CEP170: variants seen among roughly 807,000 people sequenced by gnomAD.
CEP170 encodes centrosomal protein of 170 kDa.
In CEP170, 21 loss-of-function variants were observed where a neutral mutation model predicts 151.9. The ratio of observed to expected loss-of-function variants is 0.14; its 90% CI spans 0.10 to 0.20. The LOEUF is 0.20. Among genes scored for constraint, CEP170 ranks in the 10% least tolerant of loss-of-function variants. The pLI, the probability that CEP170 is intolerant of heterozygous loss-of-function variation, is 1.00. For synonymous variants in CEP170, 356 were observed against 648.8 expected (o/e 0.55, Z 6.86); for missense variants, 964 against 1,892.9 (o/e 0.51, Z 9.11).
intron 1 of CEP170, among the ~76,000 whole-genome samples, chr1:243,254,161 T>C (rs2066263096): frequency 6.6e-6 from 1 of 151,368 alleles, no homozygotes. Context: ...CCAGCAGGCA[T>C]AGTCCCTGTC....
intron 1 of CEP170, among the ~76,000 whole-genome samples, chr1:243,239,419 G>C (rs10926976): frequency 9.2e-5 from 14 of 151,792 alleles, no homozygotes; most frequent in African/African-American, 3.4e-4. Context: ...CTTGTCTCTA[G>C]CCTCCCACTC....
chr1:243,141,261 AAG>A (rs1376009815), intron 15 of CEP170, among the ~76,000 whole-genome samples: 3 of 152,016 alleles, frequency 2.0e-5, no homozygotes, highest in Non-Finnish European at 4.4e-5. Flanking sequence ...TTTATTTATA[AAG>A]AGACAGATAA....
intron 13 of CEP170, among the ~76,000 whole-genome samples, chr1:243,160,284 G>T (rs2057959826): frequency 6.6e-6 from 1 of 152,184 alleles, no homozygotes; most frequent in Non-Finnish European, 1.5e-5. Context: ...GCATTGGAAG[G>T]TGTCTGAAAT....
chr1:243,166,445 G>A (rs1488566153), intron 12 of CEP170: 1 of 223,642 alleles, frequency 4.5e-6, no homozygotes, highest in African/African-American at 2.3e-5. Flanking sequence ...GTTCAGTGGG[G>A]ACGCAATCAT....
chr1:243,220,530 T>G (rs2062702821), intron 3 of CEP170, among the ~76,000 whole-genome samples: 1 of 152,340 alleles, frequency 6.6e-6, no homozygotes, highest in Middle Eastern at 3.4e-3. Context: ...AGTCCTTCAG[T>G]AGCAGGCCAA....
At chr1:243,202,099 C>T (rs2061079891) in intron 4 of CEP170, among the ~76,000 whole-genome samples, 1 of 151,972 alleles carries the variant, frequency 6.6e-6, no homozygotes, top group Non-Finnish European at 1.5e-5. Context: ...ATATATACAC[C>T]ATGGAATACT....
rs1375858636 is a variant in CEP170 at position 243,126,354 on chromosome 1, A to G, written c.*95T>C. On this transcript the variant is annotated 3_prime_UTR_variant, in exon 20 of 20. Transcript: ENST00000366542. ...GACAGGGATTCCAAGATTGTAGCTG[A>G]CCAAGCTGTCTTGTTTTGCGTACAT... The G allele has an allele frequency of 1.6e-5, 20 of 1,254,374 alleles. No homozygotes were observed. Among genetic ancestry groups the G allele is most frequent in the Non-Finnish European group, 1.9e-5 (17 of 894,348 alleles). 77.7% of individuals were successfully genotyped at this position (1,254,374 alleles called of 1,614,324 possible).
intron 13 of CEP170, among the ~76,000 whole-genome samples, chr1:243,163,732 T>C (rs2058243014): frequency 1.3e-5 from 2 of 152,142 alleles, no homozygotes; most frequent in East Asian, 1.9e-4. Context: ...TAAACAGATT[T>C]AACTTTAAAA....
At chr1:243,187,485 G>T (rs1006340266) in intron 8 of CEP170, among the ~76,000 whole-genome samples, 11 of 152,182 alleles carry the variant, frequency 7.2e-5, no homozygotes, top group African/African-American at 2.7e-4. Flanking sequence ...GCTTAAATTA[G>T]TTTTAAACTT....
intron 8 of CEP170, among the ~76,000 whole-genome samples, chr1:243,190,138 A>G (rs1156553951): frequency 6.6e-6 from 1 of 152,234 alleles, no homozygotes; most frequent in Admixed American, 6.5e-5. Context: ...TACCTATCAC[A>G]TGCTCAAGTA....
intron 10 of CEP170, among the ~76,000 whole-genome samples, chr1:243,174,683 T>C (rs183174430): frequency 1.3e-5 from 2 of 152,368 alleles, no homozygotes; most frequent in Admixed American, 1.3e-4. Context: ...GAGCAAATTA[T>C]GTATTGTTTA....
chr1:243,246,205 T>C (rs2065375939), intron 1 of CEP170, among the ~76,000 whole-genome samples: 1 of 151,440 alleles, frequency 6.6e-6, no homozygotes, highest in Non-Finnish European at 1.5e-5. Context: ...GAGTTAGAAA[T>C]GTCCATTACA....
At chr1:243,242,021 A>G (rs1168914500) in intron 1 of CEP170, among the ~76,000 whole-genome samples, 1 of 152,074 alleles carries the variant, frequency 6.6e-6, no homozygotes, top group Non-Finnish European at 1.5e-5. Context: ...AACAAGAGAG[A>G]AAGGAAAGTC....
At chr1:243,159,283 G>T (rs1199536740) in intron 13 of CEP170, among the ~76,000 whole-genome samples, 1 of 152,004 alleles carries the variant, frequency 6.6e-6, no homozygotes, top group East Asian at 1.9e-4. Flanking sequence ...ATGAAGAAAA[G>T]CTCCAGTTAA....
At chr1:243,244,986 A>G (rs1288126117) in intron 1 of CEP170, among the ~76,000 whole-genome samples, 1 of 152,220 alleles carries the variant, frequency 6.6e-6, no homozygotes, top group African/African-American at 2.4e-5. Flanking sequence ...TTTGTTGGGT[A>G]AAAATAACAA....
intron 4 of CEP170, among the ~76,000 whole-genome samples, chr1:243,202,807 A>T (rs1001159324): frequency 6.6e-6 from 1 of 152,096 alleles, no homozygotes; most frequent in South Asian, 2.1e-4. Flanking sequence ...TTCTATGAAA[A>T]AAGGCATTAA....
chr1:243,129,995 T>C (rs1332024043), intron 17 of CEP170, among the ~76,000 whole-genome samples: 2 of 152,160 alleles, frequency 1.3e-5, no homozygotes, highest in Non-Finnish European at 2.9e-5. Flanking sequence ...AACTTTATCA[T>C]AGGCATGTAT....
intron 4 of CEP170, among the ~76,000 whole-genome samples, chr1:243,203,793 G>A (rs1429070808): frequency 1.3e-5 from 2 of 151,772 alleles, no homozygotes; most frequent in Non-Finnish European, 2.9e-5. Flanking sequence ...AACAACAATT[G>A]ATAATAAAAC....
Position 243,234,285 on chromosome 1 carries a change from T to C in CEP170, c.-41-8964A>G, listed in dbSNP as rs1189489119. Among the ~76,000 whole-genome samples the C allele has an allele frequency of 3.3e-5, 5 of 152,348 alleles. No individual in the cohort carries two copies. In the East Asian group the frequency reaches 7.7e-4, roughly 23 times the overall value. On this transcript the variant is annotated intron_variant, in intron 1 of 19. Coordinates refer to ENST00000366542, the MANE Select transcript of CEP170 (RefSeq NM_014812.3). ...TTATGCATTTCTCATTTTAATAAGA[T>C]ATTATCTACTTAGGCATCCATGTGA... is the stretch of plus-strand genomic sequence containing the variant.
Sources: gnomAD v4.1 joint callset for allele counts (sites outside exome capture counted in the v4.1 genomes callset) on GRCh38, gnomAD v4.1.1 for gene constraint, MANE v1.5 for transcripts, NCBI Gene and HGNC (gene_info 2026-07-23, HGNC 2026-07-21) for gene names.